PEMT: variants seen among roughly 807,000 people sequenced by gnomAD.
The protein encoded by PEMT is phospholipid methyltransferase.
Under a neutral mutation model 27.4 loss-of-function variants are expected in PEMT, and 23 were observed. The observed-to-expected ratio is 0.84, with a 90% CI of 0.60 to 1.19. PEMT has a LOEUF of 1.19. PEMT is among the 50% of genes most tolerant of loss of function. The pLI is 0.00. For synonymous variants in PEMT, 137 were observed against 139.1 expected, an observed-to-expected ratio of 0.98 and a Z score of 0.11; for missense variants, 307 against 310.1, an observed-to-expected ratio of 0.99 and a Z score of 0.07.
At chr17:17,554,912 G>A (rs1168892261) in intron 2 of PEMT, among the ~76,000 whole-genome samples, 1 of 152,218 alleles carries the variant, frequency 6.6e-6, no homozygotes, top group African/African-American at 2.4e-5. Context: ...CATCGCGCCC[G>A]GCCAGCAGAT....
In PEMT at chr17:17,523,952, A is replaced by G. The variant is rs1907475363; in HGVS notation, c.205-1557T>C. 6.6e-6 allele frequency among the ~76,000 whole-genome samples: 1 copy of G among 151,996 alleles called. No individual in the cohort carries two copies. Among genetic ancestry groups the G allele is most frequent in the Non-Finnish European group, 1.5e-5 (1 of 68,020 alleles). ...ATCTGCCGGCCCCTGGCAACCACTC[A>G]TCGCTTTCCGTTGCTATGGATTCAC... On this transcript the variant is annotated intron_variant, in intron 2 of 6. Coordinates refer to ENST00000255389, the MANE Select transcript of PEMT (RefSeq NM_148172.3). The surrounding 1 kb of genome is among the most constrained non-coding windows in gnomAD (Gnocchi z 4.8).
intron 2 of PEMT, among the ~76,000 whole-genome samples, chr17:17,538,995 G>T (rs1908694053): frequency 6.6e-6 from 1 of 152,214 alleles, no homozygotes; most frequent in Admixed American, 6.5e-5. Flanking sequence ...AGGACCCACT[G>T]TCAGCCAGCT....
chr17:17,547,346 C>G (rs1036323640), intron 2 of PEMT, among the ~76,000 whole-genome samples: 3 of 152,224 alleles, frequency 2.0e-5, no homozygotes, highest in African/African-American at 4.8e-5. Flanking sequence ...GGCAAGCAGG[C>G]GAGGCGTTCA....
rs1473748331 is a variant in PEMT, at chr17:17,533,043, AC to A, written c.205-10649del. ...CTCCATCTCAAAAAAACACAAAAAA[AC>A]AAAAAACCAAAGTTGGAGGACTCAC... On this transcript the variant is annotated intron_variant, in intron 2 of 6. Transcript: ENST00000255389. Among the ~76,000 whole-genome samples, 11 of 152,344 alleles carry A rather than the reference AC, an allele frequency of 7.2e-5. No individual in the cohort carries two copies. In the South Asian group the frequency reaches 2.3e-3, roughly 32 times the overall value.
chr17:17,526,751 G>A (rs994012977), intron 2 of PEMT, among the ~76,000 whole-genome samples: 3 of 152,240 alleles, frequency 2.0e-5, no homozygotes, highest in African/African-American at 7.2e-5. Flanking sequence ...CTCAGAGGTT[G>A]TAACTGGCAG....
rs371281392 is a variant in PEMT, at chr17:17,505,863, G to C, written c.654-15C>G. On this transcript the variant is annotated splice_polypyrimidine_tract_variant and intron_variant, in intron 6 of 6. Transcript: ENST00000255389. ...CGGTGAAGGGCCTGCCGGGCAGCGG[G>C]GAGAGGCTTCGGTCAGCAGGTCCTG... The C allele has an allele frequency of 2.1e-5, 33 of 1,606,124 alleles. No homozygotes were observed. Among genetic ancestry groups the C allele is most frequent in the Non-Finnish European group, 2.6e-5 (31 of 1,175,938 alleles).
intron 2 of PEMT, among the ~76,000 whole-genome samples, chr17:17,529,998 G>A (rs139268236): frequency 6.6e-6 from 1 of 152,308 alleles, no homozygotes; most frequent in East Asian, 1.9e-4. Context: ...TGCGGAAGGT[G>A]CACCCATCCT....
In PEMT at chr17:17,576,927, C is replaced by T. The variant is rs1165108786; in HGVS notation, c.197G>A (p.Trp66Ter). The T allele has an allele frequency of 6.2e-7, 1 of 1,612,998 alleles. No homozygotes were observed. Among genetic ancestry groups the T allele is most frequent in the East Asian group, 2.2e-5 (1 of 44,872 alleles). Reference sequence around the variant, plus strand: ...GTCAGGCACATCACTTACCACATTCCAGTAGAGCGGATTGAAGGTGATGGT... The same window carrying T: ...GTCAGGCACATCACTTACCACATTCTAGTAGAGCGGATTGAAGGTGATGGT... The part of the protein sequence containing the change: ...VITITFNPLY[W>*]NVVARWEHKT... The change falls in exon 2 of 7, where the codon TGG (tryptophan) becomes TAG (stop). Residue 66 changes from tryptophan (W) to a stop codon, truncating the protein, a stop_gained. Transcript: ENST00000255389. LOFTEE classifies it high-confidence loss of function.
chr17:17,579,961 G>A (rs1328700585), intron 1 of PEMT, among the ~76,000 whole-genome samples: 2 of 152,194 alleles, frequency 1.3e-5, no homozygotes, highest in Non-Finnish European at 2.9e-5. Context: ...AAGGCCTGGC[G>A]CTCCAGCAGG....
chr17:17,532,034 A>G (rs1908137352), intron 2 of PEMT, among the ~76,000 whole-genome samples: 1 of 152,210 alleles, frequency 6.6e-6, no homozygotes, highest in Admixed American at 6.5e-5. Context: ...GATAATAAGA[A>G]AACAAAAAAC....
At chr17:17,518,705 C>T (rs1385021932) in intron 3 of PEMT, among the ~76,000 whole-genome samples, 1 of 152,198 alleles carries the variant, frequency 6.6e-6, no homozygotes, top group African/African-American at 2.4e-5. Flanking sequence ...GCCCACCAAC[C>T]GACTCCTGCT....
intron 2 of PEMT, among the ~76,000 whole-genome samples, chr17:17,524,614 AAT>A (rs1907538505): frequency 6.6e-6 from 1 of 151,546 alleles, no homozygotes; most frequent in African/African-American, 2.4e-5. Context: ...AAAAAAAAAA[AAT>A]AATAAAAAAA....
chr17:17,570,929 G>C, intron 2 of PEMT: 1 of 984,962 alleles, frequency 1.0e-6, no homozygotes, highest in Non-Finnish European at 1.2e-6. Flanking sequence ...TGGAGTGATA[G>C]GGAAAGAACA....
intron 2 of PEMT, among the ~76,000 whole-genome samples, chr17:17,565,782 T>C (rs1419867186): frequency 6.6e-6 from 1 of 152,254 alleles, no homozygotes; most frequent in Non-Finnish European, 1.5e-5. Context: ...CTCTCCAAGA[T>C]GTATCCCTAG....
At chr17:17,586,058 G>A (rs1185556039) in intron 1 of PEMT, among the ~76,000 whole-genome samples, 1 of 148,500 alleles carries the variant, frequency 6.7e-6, no homozygotes. Context: ...ACTTCAGCCT[G>A]GGCGACAGAG....
intron 1 of PEMT, among the ~76,000 whole-genome samples, chr17:17,577,680 A>C (rs1213942588): frequency 6.6e-6 from 1 of 151,796 alleles, no homozygotes; most frequent in African/African-American, 2.4e-5. Flanking sequence ...AAAAAAAAAA[A>C]AACCCACGGC....
intron 2 of PEMT, among the ~76,000 whole-genome samples, chr17:17,548,574 G>A (rs1334033814): frequency 6.6e-6 from 1 of 152,092 alleles, no homozygotes; most frequent in Non-Finnish European, 1.5e-5. Flanking sequence ...TTGAGACGCA[G>A]TTTCGCTCTT....
intron 3 of PEMT, among the ~76,000 whole-genome samples, chr17:17,519,921 T>G (rs1229059212): frequency 6.6e-6 from 1 of 152,220 alleles, no homozygotes; most frequent in Admixed American, 6.5e-5. Flanking sequence ...CTGGTCTAGC[T>G]GCTCCTGGAT....
Position 17,523,073 on chromosome 17 carries a change from C to T in PEMT, c.205-678G>A, listed in dbSNP as rs1208203564. On this transcript the variant is annotated intron_variant, in intron 2 of 6. Transcript: ENST00000255389. This position sits in a 1 kb window ranked among gnomAD's most constrained non-coding sequence, Gnocchi z 4.8. ...GGTGGAGAGAAGGGAGCTCTTCCTG[C>T]CTGCCTGCTGTTTCCACAGTCCTGA... is the stretch of plus-strand genomic sequence containing the variant. Among the ~76,000 whole-genome samples, 2 of 152,232 alleles carry T rather than the reference C, an allele frequency of 1.3e-5. No individual in the cohort carries two copies. Among genetic ancestry groups the T allele is most frequent in the Non-Finnish European group, 2.9e-5 (2 of 68,040 alleles).
Sources: allele counts gnomAD v4.1 joint callset (sites outside exome capture counted in the v4.1 genomes callset), GRCh38; gene constraint gnomAD v4.1.1; non-coding constraint Gnocchi (gnomAD v3.1); transcripts MANE v1.5; gene names NCBI Gene and HGNC (gene_info 2026-07-23, HGNC 2026-07-21).